HNRNPC: variants seen among roughly 807,000 people sequenced by gnomAD.
The protein encoded by HNRNPC is heterogeneous nuclear ribonucleoproteins C1/C2.
A neutral mutation model predicts 33.2 loss-of-function variants in HNRNPC; 3 were observed. The ratio of observed to expected loss-of-function variants is 0.09; its 90% confidence interval spans 0.04 to 0.23. The LOEUF (loss-of-function observed/expected upper bound fraction) is 0.23, where lower values mean the gene tolerates loss of function less well. Among genes scored for constraint, HNRNPC ranks in the 10% least tolerant of loss-of-function variants. The pLI, the probability that HNRNPC is intolerant of heterozygous loss-of-function variation, is 1.00. For synonymous variants in HNRNPC, 121 were observed against 126.7 expected (o/e 0.96, Z 0.30); for missense variants, 143 against 366.7 (o/e 0.39, Z 4.98).
chr14:21,226,995 CAT>C (rs1893541735), intron 5 of HNRNPC, among the ~76,000 whole-genome samples: 2 of 150,886 alleles, frequency 1.3e-5, no homozygotes, highest in South Asian at 2.1e-4. Context: ...AACAATTTAA[CAT>C]AGTCAATGAA....
chr14:21,211,944 T>C (rs1268131609), intron 6 of HNRNPC, 21 bp from the exon 7 acceptor site: 6 of 1,551,118 alleles, frequency 3.9e-6, no homozygotes, highest in African/African-American at 1.4e-5. Context: ...AACAAAATAC[T>C]AGATTAAAAT....
chr14:21,218,819 GA>G (rs926811643), intron 5 of HNRNPC, among the ~76,000 whole-genome samples: 1 of 148,144 alleles, frequency 6.8e-6, no homozygotes, highest in Non-Finnish European at 1.5e-5. Context: ...GTGAGACAAA[GA>G]AAAAAAAATT....
chr14:21,249,771 T>C (rs2138898199), intron 2 of HNRNPC, among the ~76,000 whole-genome samples: 1 of 152,214 alleles, frequency 6.6e-6, no homozygotes, highest in South Asian at 2.1e-4. Context: ...TTCGGGGGTG[T>C]TACGACATAA....
At chr14:21,226,293 A>G (rs1325799572) in intron 5 of HNRNPC, among the ~76,000 whole-genome samples, 2 of 149,944 alleles carry the variant, frequency 1.3e-5, no homozygotes, top group East Asian at 3.9e-4. Context: ...ACTGCACTCC[A>G]GCCCGGGAGA....
rs1022624590 is a variant in HNRNPC, at chr14:21,233,832, T to C, written c.241+121A>G. 4.0e-6 allele frequency: 5 copies of C among 1,238,402 alleles called. No individual in the cohort carries two copies. The East Asian group carries it at 1.2e-4, about 30-fold the overall frequency. The allele number at this position is 1,238,402 out of a possible 1,614,324, so 76.7% of individuals were successfully genotyped here. A position where few individuals can be genotyped will look rare whatever the true frequency, so the allele number is the denominator to read the frequency against. ...TAAGCCTAATGTATTTTTATTAGGC[T>C]AAACAGTCGCAATATCCAGAATATC... On this transcript the variant is annotated intron_variant, in intron 3 of 8. Transcript: ENST00000553300.
chr14:21,261,948 G>C (rs965209157), intron 2 of HNRNPC, among the ~76,000 whole-genome samples: 1 of 152,084 alleles, frequency 6.6e-6, no homozygotes, highest in African/African-American at 2.4e-5. Context: ...ACACATTAGA[G>C]TTCCTAATCT....
chr14:21,247,967 GGCGAT>G (rs1183707791), intron 2 of HNRNPC, among the ~76,000 whole-genome samples: 1 of 151,534 alleles, frequency 6.6e-6, no homozygotes, highest in Non-Finnish European at 1.5e-5. Context: ...CTCCAGCCTC[GGCGAT>G]GCAGTAAGAT....
At position 21,225,335 on chromosome 14, in the gene HNRNPC, T is replaced by C. The variant is rs118150555; in HGVS notation, c.365+4984A>G. ...CCCCAGCTAATTGGGAGGCCGATGA[T>C]GCACAAGAATTACTTGAACCTGGGA... On this transcript the variant is annotated intron_variant, in intron 5 of 8. Transcript: ENST00000553300. Among the ~76,000 whole-genome samples the C allele has an allele frequency of 1.4e-3, 210 of 151,398 alleles. 1 individual carries two copies. The East Asian group carries it at 0.037, about 27-fold the overall frequency.
intron 2 of HNRNPC, among the ~76,000 whole-genome samples, chr14:21,238,382 G>A (rs184716053): frequency 5.9e-5 from 9 of 152,176 alleles, no homozygotes; most frequent in African/African-American, 1.9e-4. Context: ...ATTTAAGAAC[G>A]GACAGTACAG....
chr14:21,258,376 CGA>C lies in HNRNPC; in HGVS notation c.-37+4933_-37+4934del, dbSNP rs761400262. ...ACTGCACTCCAGCCTGGTGACAGAG[CGA>C]GACTATGTCTCAAAAAAAAAAAAAA... On this transcript the variant is annotated intron_variant, in intron 2 of 8. Coordinates refer to ENST00000553300, the MANE Select transcript of HNRNPC (RefSeq NM_004500.4). Among the ~76,000 whole-genome samples, 13 of 148,730 alleles carry C rather than the reference CGA, an allele frequency of 8.7e-5. 1 individual carries two copies. The East Asian group carries it at 2.6e-3, about 29-fold the overall frequency.
rs367906917 is a variant in HNRNPC, at chr14:21,256,833, T to G, written c.-37+6478A>C. On this transcript the variant is annotated intron_variant, in intron 2 of 8. Coordinates refer to ENST00000553300, the MANE Select transcript of HNRNPC (RefSeq NM_004500.4). ...ACTCCTGGCTAATTTTTGTATATTT[T>G]TGAAGAGACAGGGTTTCACCATGTT... 2.0e-5 allele frequency among the ~76,000 whole-genome samples: 3 copies of G among 152,062 alleles called. 1 individual carries two copies. In the East Asian group the frequency reaches 5.8e-4, roughly 29 times the overall value.
rs762906729 is a variant in HNRNPC at position 21,234,008 on chromosome 14, A to G, written c.186T>C (p.Asn62=). 1.2e-6 allele frequency: 2 copies of G among 1,613,896 alleles called. No homozygotes were observed. Among genetic ancestry groups the G allele is most frequent in the Non-Finnish European group, 1.7e-6 (2 of 1,179,838 alleles). Residue 62 remains asparagine (N), a synonymous_variant, in exon 3 of 9, where the codon AAT becomes AAC. Coordinates refer to ENST00000553300, the MANE Select transcript of HNRNPC (RefSeq NM_004500.4). ...FAFVQYVNER[N]ARAAVAGEDG... is the part of the protein sequence containing the mutation. ...CCTCTCCTGCTACAGCAGCCCGGGC[A>G]TTTCTCTCATTAACATACTGAACGA...
In HNRNPC at chr14:21,230,353, A is replaced by C; in HGVS notation, c.331T>G (p.Leu111Val). ...TAGTCCCGTTGAAAGTCATAGTCCAAGTCAAAAGAGGAGCTGAAAAATAAA... is the reference window on the plus strand; with the variant it reads ...TAGTCCCGTTGAAAGTCATAGTCCACGTCAAAAGAGGAGCTGAAAAATAAA... The part of the protein sequence containing the change: ...AAEMYGSSFD[L>V]DYDFQRDYYD... Residue 111 changes from leucine (L) to valine (V), a missense_variant, in exon 5 of 9, where the codon TTG becomes GTG. By Grantham distance (32) the Leu-to-Val change is conservative (BLOSUM62 1). Around this residue, in one of 2 missense-constraint regions of HNRNPC, gnomAD observed 131 missense variants for 253.0 expected, o/e 0.52. Transcript: ENST00000553300. The C allele has an allele frequency of 6.8e-6, 11 of 1,609,708 alleles. No homozygotes were observed. The highest frequency in any genetic ancestry group is 9.4e-6 in the Non-Finnish European group (11 of 1,176,280).
intron 5 of HNRNPC, among the ~76,000 whole-genome samples, chr14:21,217,286 A>G (rs1038817285): frequency 6.6e-6 from 1 of 152,222 alleles, no homozygotes; most frequent in South Asian, 2.1e-4. Context: ...ACTGAAATCA[A>G]TGATTTCTAA....
intron 5 of HNRNPC, among the ~76,000 whole-genome samples, chr14:21,226,730 A>ATT (rs1441531979): frequency 1.3e-5 from 2 of 151,820 alleles, no homozygotes; most frequent in African/African-American, 4.8e-5. Flanking sequence ...AAATACAAAA[A>ATT]TTAGTTGTGT....
chr14:21,241,782 A>T (rs1180104689), intron 2 of HNRNPC, among the ~76,000 whole-genome samples: 1 of 152,236 alleles, frequency 6.6e-6, no homozygotes, highest in Non-Finnish European at 1.5e-5. Flanking sequence ...ATTTAATCAA[A>T]AACAGTATCT....
In HNRNPC at chr14:21,209,605, C is replaced by T. The variant is rs1257172869; in HGVS notation, c.*1618G>A. The T allele has an allele frequency of 6.6e-6, 1 of 152,182 alleles. No individual in the cohort carries two copies. Among genetic ancestry groups the T allele is most frequent in the African/African-American group, 2.4e-5 (1 of 41,446 alleles). The allele number at this position is 152,182 out of a possible 1,614,324, so 9.4% of individuals were successfully genotyped here. A position where few individuals can be genotyped will look rare whatever the true frequency, so the allele number is the denominator to read the frequency against. On this transcript the variant is annotated 3_prime_UTR_variant, in exon 9 of 9. Transcript: ENST00000553300. ...CCAAGGGTAGTTCATACTTCAGCCT[C>T]TTCATTCTTTTCTGCTTTTGTCACC...
intron 5 of HNRNPC, among the ~76,000 whole-genome samples, chr14:21,226,502 G>A (rs1016970852): frequency 1.3e-5 from 2 of 151,828 alleles, no homozygotes; most frequent in Non-Finnish European, 2.9e-5. Flanking sequence ...CCAACATTGT[G>A]ATAAAAATTC....
Position 21,213,077 on chromosome 14 carries a change from T to C in HNRNPC, c.406A>G (p.Ile136Val), listed in dbSNP as rs755983310. ...TTCGAGGGCACTACAGCCCGAGCAATAGGAGGAGGAGGAGGTACACGTGCT... is the reference window on the plus strand; with the variant it reads ...TTCGAGGGCACTACAGCCCGAGCAACAGGAGGAGGAGGAGGTACACGTGCT... ...YPARVPPPPP[I>V]ARAVVPSKRQ... Residue 136 changes from isoleucine to valine, a missense_variant, in exon 6 of 9, where the codon ATT (isoleucine) becomes GTT (valine). Ile to Val is a conservative substitution (Grantham distance 29). Around this residue, in one of 2 missense-constraint regions of HNRNPC, gnomAD observed 131 missense variants for 253.0 expected, o/e 0.52. Transcript: ENST00000553300. 1.9e-6 allele frequency: 3 copies of C among 1,612,930 alleles called. No homozygotes were observed. The highest frequency in any genetic ancestry group is 2.5e-6 in the Non-Finnish European group (3 of 1,178,990).
Sources: gnomAD v4.1 joint callset for allele counts (sites outside exome capture counted in the v4.1 genomes callset) on GRCh38, gnomAD v4.1.1 for gene constraint, gnomAD v4.1.1 regional missense constraint, MANE v1.5 for transcripts, NCBI Gene and HGNC (gene_info 2026-07-23, HGNC 2026-07-21) for gene names.